The following PLS1 variants were observed in gnomAD, a reference collection of about 807,000 sequenced individuals.
PLS1 encodes the protein plastin 1, also known as plastin-1.
In PLS1, 32 loss-of-function variants were observed where a neutral mutation model predicts 73.7. That is an observed-to-expected ratio of 0.43 (90% CI 0.33 to 0.58). PLS1 has a LOEUF of 0.58. Among genes scored for constraint, PLS1 ranks in the 20% least tolerant of loss-of-function variants. The pLI is 0.04. For synonymous variants in PLS1, 217 were observed against 261.3 expected (o/e 0.83, Z 1.63); for missense variants, 633 against 740.5 (o/e 0.85, Z 1.68).
At chr3:142,710,013 A>G (rs969415568) in intron 14 of PLS1, among the ~76,000 whole-genome samples, 2 of 152,108 alleles carry the variant, frequency 1.3e-5, no homozygotes, top group African/African-American at 4.8e-5. Context: ...TACTTTAGAG[A>G]TTAGGAAAGG....
At chr3:142,646,993 C>T (rs2036965490) in intron 1 of PLS1, among the ~76,000 whole-genome samples, 1 of 152,082 alleles carries the variant, frequency 6.6e-6, no homozygotes, top group Non-Finnish European at 1.5e-5. Context: ...TTCTAAGGTA[C>T]ATAAGAAGAA....
chr3:142,688,163 G>T (rs372658096), intron 9 of PLS1, among the ~76,000 whole-genome samples: 1 of 151,984 alleles, frequency 6.6e-6, no homozygotes, highest in East Asian at 1.9e-4. Context: ...GGCTAGGCTG[G>T]TATCAAACTC....
chr3:142,681,545 C>A (rs1416089638), intron 6 of PLS1, among the ~76,000 whole-genome samples: 1 of 152,192 alleles, frequency 6.6e-6, no homozygotes, highest in East Asian at 1.9e-4. Context: ...GTTAGACAGT[C>A]CAAGCCTAAC....
At chr3:142,653,403 C>G (rs2037146096) in intron 1 of PLS1, among the ~76,000 whole-genome samples, 1 of 150,710 alleles carries the variant, frequency 6.6e-6, no homozygotes, top group East Asian at 1.9e-4. Flanking sequence ...CTCTGTTGCC[C>G]AGGCTGGAGT....
chr3:142,678,180 A>G, intron 6 of PLS1, 67 bp downstream of exon 6: 1 of 706,718 alleles, frequency 1.4e-6, no homozygotes, highest in Non-Finnish European at 2.2e-6. Context: ...TTATTAATGA[A>G]TGCTTGGACC....
chr3:142,646,102 C>G (rs568184045), intron 1 of PLS1, among the ~76,000 whole-genome samples: 1 of 152,302 alleles, frequency 6.6e-6, no homozygotes, highest in African/African-American at 2.4e-5. Flanking sequence ...GTCTCAATTT[C>G]TTTAATTCTA....
chr3:142,672,671 T>G (rs2037630401), intron 4 of PLS1, among the ~76,000 whole-genome samples: 1 of 152,174 alleles, frequency 6.6e-6, no homozygotes, highest in Non-Finnish European at 1.5e-5. Context: ...GTATATGGCT[T>G]GATGATTTCT....
chr3:142,684,597 A>G (rs1334657110), intron 8 of PLS1, among the ~76,000 whole-genome samples: 1 of 152,246 alleles, frequency 6.6e-6, no homozygotes, highest in East Asian at 1.9e-4. Context: ...TTGGCTTTTA[A>G]TAAGAACTAC....
intron 2 of PLS1, among the ~76,000 whole-genome samples, chr3:142,668,901 C>G (rs78431202): frequency 2.0e-5 from 3 of 152,024 alleles, no homozygotes; most frequent in Non-Finnish European, 4.4e-5. Flanking sequence ...TGCGCCTGGC[C>G]CCCCCCATGC....
chr3:142,679,178 TTGTC>T (rs1425461091), intron 6 of PLS1, among the ~76,000 whole-genome samples: 4 of 152,036 alleles, frequency 2.6e-5, no homozygotes, highest in African/African-American at 9.7e-5. Flanking sequence ...TATTAGCCCT[TTGTC>T]AGACGAGTAG....
At chr3:142,617,264 G>A (rs1447272058) in intron 1 of PLS1, among the ~76,000 whole-genome samples, 1 of 151,636 alleles carries the variant, frequency 6.6e-6, no homozygotes, top group Non-Finnish European at 1.5e-5. Context: ...ACACGCTCAA[G>A]TCCTTGCAGT....
intron 1 of PLS1, among the ~76,000 whole-genome samples, chr3:142,630,644 A>G (rs1207403770): frequency 6.6e-6 from 1 of 151,894 alleles, no homozygotes; most frequent in Non-Finnish European, 1.5e-5. Flanking sequence ...CCAGCTACTC[A>G]GGAGGCTGAG....
chr3:142,610,122 GC>G (rs2036092725), intron 1 of PLS1, among the ~76,000 whole-genome samples: 2 of 152,124 alleles, frequency 1.3e-5, no homozygotes, highest in Non-Finnish European at 2.9e-5. Flanking sequence ...ATCCGCCTCG[GC>G]CTCCCACAAA....
intron 1 of PLS1, among the ~76,000 whole-genome samples, chr3:142,635,709 C>T (rs1270536321): frequency 1.3e-5 from 2 of 152,114 alleles, no homozygotes; most frequent in East Asian, 3.8e-4. Flanking sequence ...GAATTCCAGG[C>T]TAAATCACAG....
chr3:142,617,520 G>A (rs11711434), intron 1 of PLS1, among the ~76,000 whole-genome samples: 17,108 of 152,066 alleles, frequency 0.11, 1,002 homozygotes, highest in Non-Finnish European at 0.13. Context: ...TGCTTCAGCT[G>A]TATTAATCGT....
chr3:142,603,845 C>T (rs2035970655), intron 1 of PLS1, among the ~76,000 whole-genome samples: 2 of 151,196 alleles, frequency 1.3e-5, no homozygotes, highest in Admixed American at 6.6e-5. Context: ...TTCAAAAGAT[C>T]CAAGCTGACC....
chr3:142,669,402 G>A lies in PLS1; in HGVS notation c.83G>A (p.Ser28Asn). The A allele has an allele frequency of 6.4e-7, 1 of 1,555,902 alleles. No individual in the cohort carries two copies. The highest frequency in any genetic ancestry group is 2.3e-5 in the East Asian group (1 of 44,206). ...TATATCTTTACAGATATTGACAATA[G>A]TGGGTATGTCAGTGACTATGAACTT... ...EAFNKIDIDN[S>N]GYVSDYELQD... Residue 28 changes from serine to asparagine, a missense_variant, in exon 3 of 16, where the codon AGT becomes AAT. Transcript: ENST00000457734.
chr3:142,698,437 TAA>T lies in PLS1; in HGVS notation c.1371+384_1371+385del, dbSNP rs57727251. The T allele has an allele frequency of 2.6e-3, 372 of 140,596 alleles. 2 individuals are homozygous for T. Among genetic ancestry groups the T allele is most frequent in the African/African-American group, 7.3e-3 (286 of 39,254 alleles). The allele number at this position is 140,596 out of a possible 1,614,324, so 8.7% of individuals were successfully genotyped here. A position where few individuals can be genotyped will look rare whatever the true frequency, so the allele number is the denominator to read the frequency against. On this transcript the variant is annotated intron_variant, in intron 12 of 15. Transcript: ENST00000457734. ...TACCTATACAGTGTTATGCAGGATG[TAA>T]AAAAAAAAAAAAAGTATAAAGCATG...
At chr3:142,687,374 A>G (rs2037993234) in intron 9 of PLS1, among the ~76,000 whole-genome samples, 1 of 152,200 alleles carries the variant, frequency 6.6e-6, no homozygotes, top group Non-Finnish European at 1.5e-5. Context: ...TTGGTCAGAT[A>G]ATAGACTGTA....
Sources: gnomAD v4.1 joint callset for allele counts (sites outside exome capture counted in the v4.1 genomes callset) on GRCh38, gnomAD v4.1.1 for gene constraint, MANE v1.5 for transcripts, NCBI Gene and HGNC (gene_info 2026-07-23, HGNC 2026-07-21) for gene names.